CIMIP4: variants seen among roughly 807,000 people sequenced by gnomAD.
CIMIP4 encodes protein EAN57.
At chr22:37,003,388 A>C in the CIMIP4 span, among the ~76,000 whole-genome samples, 186 of 152,200 alleles carry the variant, frequency 1.2e-3, 1 homozygote, top group African/African-American at 4.2e-3. Context: ...GCCCCAGCCA[A>C]CCTGCACTCA....
chr22:36,991,172 G>A, the CIMIP4 span: 1 of 1,613,360 alleles, frequency 6.2e-7, no homozygotes, highest in Non-Finnish European at 8.5e-7. Context: ...CCTCTACTGT[G>A]TCAAAACTAG....
the CIMIP4 span, among the ~76,000 whole-genome samples, chr22:37,000,657 C>G: frequency 6.6e-6 from 1 of 152,208 alleles, no homozygotes; most frequent in African/African-American, 2.4e-5. Flanking sequence ...AGCTCTGACA[C>G]TTGCTGGCTC....
the CIMIP4 span, among the ~76,000 whole-genome samples, chr22:37,005,151 C>G: frequency 6.6e-6 from 1 of 152,098 alleles, no homozygotes; most frequent in Non-Finnish European, 1.5e-5. Flanking sequence ...AGCCCTGAGT[C>G]CAACAGTCTT....
chr22:37,004,593 A>G, the CIMIP4 span, among the ~76,000 whole-genome samples: 14 of 152,110 alleles, frequency 9.2e-5, no homozygotes, highest in Non-Finnish European at 1.8e-4. Flanking sequence ...TCTGGTGTAA[A>G]CTCAGTCTTC....
the CIMIP4 span, among the ~76,000 whole-genome samples, chr22:37,005,185 A>T: frequency 1.2e-4 from 18 of 152,094 alleles, no homozygotes; most frequent in Admixed American, 2.0e-4. Flanking sequence ...GAATCCTGAC[A>T]CCTGAATGAG....
At chr22:37,004,769 C>A in the CIMIP4 span, among the ~76,000 whole-genome samples, 1 of 151,816 alleles carries the variant, frequency 6.6e-6, no homozygotes, top group African/African-American at 2.4e-5. Flanking sequence ...CTCACTGCAA[C>A]CTCCACCTCC....
chr22:36,997,011 G>T, the CIMIP4 span, among the ~76,000 whole-genome samples: 1 of 152,206 alleles, frequency 6.6e-6, no homozygotes, highest in African/African-American at 2.4e-5. Flanking sequence ...GATTTCTGGT[G>T]TTGTTGTTCC....
chr22:37,004,836 C>T, the CIMIP4 span, among the ~76,000 whole-genome samples: 166 of 152,046 alleles, frequency 1.1e-3, 1 homozygote, highest in Middle Eastern at 6.8e-3. Context: ...TACAGGTGTG[C>T]ACCACCACAT....
the CIMIP4 span, among the ~76,000 whole-genome samples, chr22:37,000,423 G>A: frequency 1.3e-5 from 2 of 152,176 alleles, no homozygotes; most frequent in African/African-American, 2.4e-5. Flanking sequence ...CTGGGTGGGT[G>A]CTTAACTTTC....
the CIMIP4 span, among the ~76,000 whole-genome samples, chr22:36,999,102 G>C: frequency 6.6e-6 from 1 of 152,118 alleles, no homozygotes; most frequent in Non-Finnish European, 1.5e-5. Context: ...GATGGGGCTA[G>C]GGGTGTGGGG....
At chr22:37,002,162 C>T in the CIMIP4 span, 10 of 1,513,488 alleles carry the variant, frequency 6.6e-6, no homozygotes, top group Non-Finnish European at 8.9e-6. Flanking sequence ...AGCGCTGGCT[C>T]CCAGGGGCAG....
chr22:37,007,488 A>T, the CIMIP4 span: 1 of 152,216 alleles, frequency 6.6e-6, no homozygotes. Context: ...TGCCCACGGC[A>T]GCTCTGTACG....
the CIMIP4 span, chr22:37,001,719 G>A: frequency 1.1e-5 from 12 of 1,064,624 alleles, no homozygotes; most frequent in Non-Finnish European, 1.4e-5. Context: ...CACAGCAGAT[G>A]CTCAGGAGAT....
the CIMIP4 span, among the ~76,000 whole-genome samples, chr22:36,996,707 A>G: frequency 1.3e-5 from 2 of 152,194 alleles, no homozygotes; most frequent in Non-Finnish European, 2.9e-5. Context: ...GGGAGAGTAA[A>G]GGGCCTAGAA....
the CIMIP4 span, chr22:37,002,210 G>T: frequency 6.8e-7 from 1 of 1,476,398 alleles, no homozygotes; most frequent in Non-Finnish European, 9.0e-7. Context: ...CTTGAACTTG[G>T]AGGTGTCCAA....
At chr22:36,994,756 G>C in the CIMIP4 span, among the ~76,000 whole-genome samples, 1 of 150,022 alleles carries the variant, frequency 6.7e-6, no homozygotes, top group Non-Finnish European at 1.5e-5. Flanking sequence ...TCAGCCTCCC[G>C]AGTAGCTGGG....
chr22:36,996,622 A>G, the CIMIP4 span, among the ~76,000 whole-genome samples: 1 of 152,226 alleles, frequency 6.6e-6, no homozygotes, highest in Non-Finnish European at 1.5e-5. Context: ...ATTGAGCTGT[A>G]GATTCAATGT....
chr22:36,991,663 G>C, the CIMIP4 span: 5 of 1,231,100 alleles, frequency 4.1e-6, no homozygotes, highest in Middle Eastern at 1.9e-4. Flanking sequence ...CTTATATTGG[G>C]TGTCAGTTTC....
At chr22:36,995,793 C>T in the CIMIP4 span, among the ~76,000 whole-genome samples, 1 of 152,160 alleles carries the variant, frequency 6.6e-6, no homozygotes, top group African/African-American at 2.4e-5. Flanking sequence ...GTGAGGCCTC[C>T]CCAGCTACAT....
Sources: allele counts gnomAD v4.1 joint callset (sites outside exome capture counted in the v4.1 genomes callset), GRCh38; gene constraint gnomAD v4.1.1; transcripts MANE v1.5; gene names NCBI Gene and HGNC (gene_info 2026-07-23, HGNC 2026-07-21).